NCKAP1: variants seen among roughly 807,000 people sequenced by gnomAD.
NCKAP1 encodes NCK associated protein 1, also known as nck-associated protein 1.
In NCKAP1, 21 loss-of-function variants were observed where a neutral mutation model predicts 151.2. The ratio of observed to expected loss-of-function variants is 0.14; its 90% CI spans 0.10 to 0.20. The LOEUF (loss-of-function observed/expected upper bound fraction) is 0.20. Ranked by LOEUF, NCKAP1 falls within the 10% of genes least tolerant of loss-of-function variation. The pLI is 1.00. For missense variants in NCKAP1, 933 were observed against 1,352.1 expected (o/e 0.69, Z 4.86); for synonymous variants, 484 against 451.8 (o/e 1.07, Z -0.90).
At chr2:183,024,759 C>T (rs561661091) in intron 1 of NCKAP1, among the ~76,000 whole-genome samples, 10 of 152,312 alleles carry the variant, frequency 6.6e-5, no homozygotes, top group African/African-American at 2.4e-4. Flanking sequence ...AAAATTATAA[C>T]ATTTCTATTT....
In NCKAP1 at chr2:182,924,534, T is replaced by C. The variant is rs1241556598; in HGVS notation, c.*1168A>G. ...GTCTTTCCCATTCATTACTGACTAA[T>C]GCAGCAGTTCTCAACATTCTCACTA... On this transcript the variant is annotated 3_prime_UTR_variant, in exon 31 of 31. Transcript: ENST00000361354. The C allele has an allele frequency of 6.6e-6, 1 of 152,200 alleles. No homozygotes were observed. The highest frequency in any genetic ancestry group is 1.5e-5 in the Non-Finnish European group (1 of 68,020). The allele number at this position is 152,200 out of a possible 1,614,324, so 9.4% of individuals were successfully genotyped here.
intron 27 of NCKAP1, 72 bp downstream of exon 27, chr2:182,930,623 A>G: frequency 8.5e-7 from 1 of 1,175,660 alleles, no homozygotes. Context: ...ATATGGTTAA[A>G]TATCATACCT....
At chr2:182,947,229 G>T (rs1313531276) in intron 23 of NCKAP1, 1 of 152,186 alleles carries the variant, frequency 6.6e-6, no homozygotes. Context: ...AGATGCCTTA[G>T]ATAAAGCATA....
chr2:182,977,431 A>G (rs1052832613), intron 14 of NCKAP1, among the ~76,000 whole-genome samples: 2 of 152,224 alleles, frequency 1.3e-5, no homozygotes, highest in African/African-American at 4.8e-5. Context: ...CAGAGGTTAC[A>G]GTAAGCCGAG....
intron 12 of NCKAP1, among the ~76,000 whole-genome samples, 189 bp from the exon 13 acceptor site, chr2:182,981,565 A>G (rs966556700): frequency 2.0e-5 from 3 of 152,116 alleles, no homozygotes; most frequent in Non-Finnish European, 4.4e-5. Flanking sequence ...AGAAAAAAAG[A>G]AGAAAGAAAA....
Position 183,001,896 on chromosome 2 carries a change from C to G in NCKAP1, c.603+57G>C. On this transcript the variant is annotated intron_variant, in intron 6 of 30. Coordinates refer to ENST00000361354, the MANE Select transcript of NCKAP1 (RefSeq NM_013436.5). ...AAGATTATCCCTTTATCCAACCATC[C>G]ATCCTCATGCTATGTTATATGCCCA... The G allele has an allele frequency of 7.0e-6, 10 of 1,419,626 alleles. 1 individual carries two copies. In the South Asian group the frequency reaches 1.1e-4, roughly 15 times the overall value. The allele number at this position is 1,419,626 out of a possible 1,614,324, so 87.9% of individuals were successfully genotyped here. A position where few individuals can be genotyped will look rare whatever the true frequency, so the allele number is the denominator to read the frequency against.
chr2:182,995,911 C>T, intron 6 of NCKAP1, 73 bp from the exon 7 acceptor site: 1 of 1,260,412 alleles, frequency 7.9e-7, no homozygotes, highest in Non-Finnish European at 1.1e-6. Flanking sequence ...GCTATAATTG[C>T]TGTGTGTTTC....
chr2:182,920,201 T>G lies in NCKAP1; in HGVS notation c.*5501A>C, dbSNP rs976998090. ...ATTGCCCAGGCTGCTCTCGAACTTC[T>G]AGGCTCAAATGATACCTCTGGCTCC... is the stretch of plus-strand genomic sequence containing the variant. On this transcript the variant is annotated 3_prime_UTR_variant, in exon 31 of 31. Transcript: ENST00000361354. 1.3e-5 allele frequency: 2 copies of G among 152,402 alleles called. No homozygotes were observed. Among genetic ancestry groups the G allele is most frequent in the Admixed American group, 6.5e-5 (1 of 15,300 alleles). The allele number at this position is 152,402 out of a possible 1,614,324, so 9.4% of individuals were successfully genotyped here.
At position 182,925,707 on chromosome 2, in the gene NCKAP1, C is replaced by A; in HGVS notation, c.3382G>T (p.Ala1128Ser). 6.5e-7 allele frequency: 1 copy of A among 1,532,270 alleles called. No individual in the cohort carries two copies. The highest frequency in any genetic ancestry group is 8.8e-7 in the Non-Finnish European group (1 of 1,136,596). The allele number at this position is 1,532,270 out of a possible 1,614,324, so 94.9% of individuals were successfully genotyped here. ...AVYKQSVTSS[A>S] ...TCTTGATTAAGTAGGTAATTTTATG[C>A]AGAAGATGTAACACTTTGTTTGTAG... The change falls in exon 31 of 31, where the codon GCA becomes TCA. Residue 1128 changes from alanine to serine, a missense_variant. Around this residue, in one of 2 missense-constraint regions of NCKAP1, gnomAD observed 326 missense variants for 557.1 expected, o/e 0.59. Coordinates refer to ENST00000361354, the MANE Select transcript of NCKAP1 (RefSeq NM_013436.5).
At chr2:183,025,639 T>C (rs1698880690) in intron 1 of NCKAP1, among the ~76,000 whole-genome samples, 1 of 152,146 alleles carries the variant, frequency 6.6e-6, no homozygotes, top group African/African-American at 2.4e-5. Context: ...TCATAAATAT[T>C]AAAATATATC....
intron 16 of NCKAP1, among the ~76,000 whole-genome samples, chr2:182,965,767 G>A (rs1697557657): frequency 6.6e-6 from 1 of 152,090 alleles, no homozygotes; most frequent in South Asian, 2.1e-4. Flanking sequence ...TTCTTCTTTT[G>A]GAATAGGATC....
At chr2:182,955,521 T>C (rs1429717941) in intron 20 of NCKAP1, among the ~76,000 whole-genome samples, 1 of 152,164 alleles carries the variant, frequency 6.6e-6, no homozygotes, top group Non-Finnish European at 1.5e-5. Context: ...TATATATTCA[T>C]ATATAACAGG....
At chr2:182,987,205 G>C (rs548702788) in intron 9 of NCKAP1, among the ~76,000 whole-genome samples, 1 of 152,110 alleles carries the variant, frequency 6.6e-6, no homozygotes, top group East Asian at 1.9e-4. Flanking sequence ...TCACACCACT[G>C]CACTTCAGCC....
Position 182,916,370 on chromosome 2 carries a change from C to G in NCKAP1, c.*9332G>C, listed in dbSNP as rs1039817006. 3.9e-5 allele frequency: 6 copies of G among 152,030 alleles called. No homozygotes were observed. The highest frequency in any genetic ancestry group is 1.5e-4 in the African/African-American group (6 of 41,348). The allele number at this position is 152,030 out of a possible 1,614,324, so 9.4% of individuals were successfully genotyped here. Reference sequence around the variant, plus strand: ...GCATCTGTCCAGCCACTGGCCTTTCCTAACTTAAAGTAAGATTCTGAGAGT... The same window carrying G: ...GCATCTGTCCAGCCACTGGCCTTTCGTAACTTAAAGTAAGATTCTGAGAGT... On this transcript the variant is annotated 3_prime_UTR_variant, in exon 31 of 31. Coordinates refer to ENST00000361354, the MANE Select transcript of NCKAP1 (RefSeq NM_013436.5).
In NCKAP1 at chr2:182,910,624, TGTAC is replaced by T. The variant is rs1259264621; in HGVS notation, c.*15074_*15077del. 6.6e-6 allele frequency: 1 copy of T among 152,290 alleles called. No individual in the cohort carries two copies. Among genetic ancestry groups the T allele is most frequent in the East Asian group, 1.9e-4 (1 of 5,194 alleles). The allele number at this position is 152,290 out of a possible 1,614,324, so 9.4% of individuals were successfully genotyped here. On this transcript the variant is annotated 3_prime_UTR_variant, in exon 31 of 31. Transcript: ENST00000361354. ...GCTGCGGCTGTGCTCTGCACTTCTG[TGTAC>T]GTCGAACAAGACAATAGATGTGAAA...
intron 1 of NCKAP1, among the ~76,000 whole-genome samples, chr2:183,030,370 C>G (rs1009659826): frequency 2.0e-5 from 3 of 152,246 alleles, no homozygotes; most frequent in African/African-American, 7.2e-5. Flanking sequence ...AGGAATAAAA[C>G]ACATTCCTTT....
In NCKAP1 at chr2:182,972,539, A is replaced by C. The variant is rs533435526; in HGVS notation, c.1482+4354T>G. Among the ~76,000 whole-genome samples, 6 of 152,306 alleles carry C rather than the reference A, an allele frequency of 3.9e-5. No individual in the cohort carries two copies. The South Asian group carries it at 1.2e-3, about 32-fold the overall frequency. On this transcript the variant is annotated intron_variant, in intron 15 of 30. Transcript: ENST00000361354. ...TGAGGTTCCTCAAAAATTTGAAAAT[A>C]GATCCAGCAATCACACTGCTGGGTA...
intron 24 of NCKAP1, among the ~76,000 whole-genome samples, chr2:182,937,513 C>T (rs946679674): frequency 6.6e-6 from 1 of 152,028 alleles, no homozygotes; most frequent in Non-Finnish European, 1.5e-5. Flanking sequence ...TTCATTAATC[C>T]AAATAATAGC....
chr2:183,008,905 G>A (rs564028089), intron 2 of NCKAP1, among the ~76,000 whole-genome samples: 31 of 152,184 alleles, frequency 2.0e-4, no homozygotes, highest in Non-Finnish European at 2.8e-4. Context: ...AATCTCTTAA[G>A]ATTACCTAAA....
Sources: allele counts gnomAD v4.1 joint callset (sites outside exome capture counted in the v4.1 genomes callset), GRCh38; gene constraint gnomAD v4.1.1; regional missense constraint gnomAD v4.1.1; transcripts MANE v1.5; gene names NCBI Gene and HGNC (gene_info 2026-07-23, HGNC 2026-07-21).